Variants in FBXL7 observed in about 807,000 individuals in gnomAD.
FBXL7 encodes the protein F-box/LRR-repeat protein 7.
In FBXL7, 12 loss-of-function variants were observed where a neutral mutation model predicts 38.3. The ratio of observed to expected loss-of-function variants is 0.31; its 90% CI spans 0.20 to 0.51. The LOEUF (loss-of-function observed/expected upper bound fraction) is 0.51, where lower values mean the gene tolerates loss of function less well. FBXL7 is among the 20% of genes least tolerant of loss of function. The pLI, the probability that FBXL7 is intolerant of heterozygous loss-of-function variation, is 0.98. For synonymous variants in FBXL7, 297 were observed against 300.9 expected (o/e 0.99, Z 0.13); for missense variants, 567 against 676.4 (o/e 0.84, Z 1.79).
chr5:15,768,698 G>C (rs182898744), intron 2 of FBXL7, among the ~76,000 whole-genome samples: 1 of 152,178 alleles, frequency 6.6e-6, no homozygotes, highest in African/African-American at 2.4e-5. Flanking sequence ...TACACACAGA[G>C]CGTGGTCCAC....
chr5:15,501,675 A>G (rs1295849937), intron 1 of FBXL7: 3 of 985,472 alleles, frequency 3.0e-6, no homozygotes, highest in East Asian at 1.1e-4. Context: ...TGTGGCCTGG[A>G]GGAAACTCTT....
At chr5:15,546,528 T>C (rs1045860963) in intron 1 of FBXL7, among the ~76,000 whole-genome samples, 6 of 151,900 alleles carry the variant, frequency 3.9e-5, no homozygotes, top group Non-Finnish European at 8.8e-5. Flanking sequence ...GATGGCGCCA[T>C]TGCACTCCAG....
At chr5:15,825,164 C>A (rs1738277626) in intron 2 of FBXL7, among the ~76,000 whole-genome samples, 1 of 152,002 alleles carries the variant, frequency 6.6e-6, no homozygotes, top group Non-Finnish European at 1.5e-5. Flanking sequence ...ATGACGGATG[C>A]CTTAAAAGTC....
chr5:15,763,456 C>T (rs1227859258), intron 2 of FBXL7, among the ~76,000 whole-genome samples: 4 of 152,130 alleles, frequency 2.6e-5, no homozygotes, highest in Non-Finnish European at 4.4e-5. Context: ...GACCAAAGTA[C>T]GTTGGCATCT....
rs566791157 is a variant in FBXL7, at chr5:15,713,821, T to A, written c.127+97749T>A. Among the ~76,000 whole-genome samples the A allele has an allele frequency of 1.6e-4, 24 of 152,194 alleles. 1 individual carries two copies. The highest frequency in any genetic ancestry group is 2.9e-4 in the Non-Finnish European group (20 of 68,040). On this transcript the variant is annotated intron_variant, in intron 2 of 3. Transcript: ENST00000504595. ...GAGGGTAGGGTTGGAGAAAGAAGAA[T>A]TAGGAAATGTGGAGAAAGTTTGGTG...
intron 2 of FBXL7, among the ~76,000 whole-genome samples, chr5:15,866,556 A>G (rs1434335417): frequency 6.6e-6 from 1 of 152,008 alleles, no homozygotes; most frequent in African/African-American, 2.4e-5. Context: ...TTTCTTCTAA[A>G]AAAAAATGGG....
chr5:15,617,926 A>G lies in FBXL7; in HGVS notation c.127+1854A>G, dbSNP rs575683976. ...AATGGCTATCCAAATAGAAAGTTAA[A>G]AGCAGGTTAAATAATCTGTTTTTTT... On this transcript the variant is annotated intron_variant, in intron 2 of 3. Transcript: ENST00000504595. Among the ~76,000 whole-genome samples the G allele has an allele frequency of 7.2e-5, 11 of 152,342 alleles. 1 individual carries two copies. In the South Asian group the frequency reaches 2.3e-3, roughly 32 times the overall value.
At chr5:15,733,318 C>T (rs1038187594) in intron 2 of FBXL7, among the ~76,000 whole-genome samples, 1 of 152,158 alleles carries the variant, frequency 6.6e-6, no homozygotes, top group Admixed American at 6.5e-5. Context: ...GTCTTGAACT[C>T]CTGACCTCAT....
At chr5:15,646,703 G>A (rs186490025) in intron 2 of FBXL7, among the ~76,000 whole-genome samples, 1 of 152,078 alleles carries the variant, frequency 6.6e-6, no homozygotes, top group Non-Finnish European at 1.5e-5. Context: ...TAATGTTAAC[G>A]GTGTGTTACC....
At chr5:15,525,655 C>T (rs1487826186) in intron 1 of FBXL7, among the ~76,000 whole-genome samples, 1 of 152,094 alleles carries the variant, frequency 6.6e-6, no homozygotes, top group African/African-American at 2.4e-5. Context: ...TCCATACATA[C>T]ATATACACAC....
intron 1 of FBXL7, among the ~76,000 whole-genome samples, chr5:15,521,691 A>G (rs1026537833): frequency 2.6e-5 from 4 of 152,240 alleles, no homozygotes; most frequent in Non-Finnish European, 5.9e-5. Flanking sequence ...TGAAGTGTTT[A>G]GATCCAAGAC....
At position 15,661,242 on chromosome 5, in the gene FBXL7, G is replaced by T. The variant is rs866608301; in HGVS notation, c.127+45170G>T. On this transcript the variant is annotated intron_variant, in intron 2 of 3. Transcript: ENST00000504595. ...TATAGAAACACAGTTGAATTTTATG[G>T]GTTGACTTGGATCCTGTGTCCATGG... Among the ~76,000 whole-genome samples, 44 of 152,048 alleles carry T rather than the reference G, an allele frequency of 2.9e-4. 1 individual carries two copies. Among genetic ancestry groups the T allele is most frequent in the Non-Finnish European group, 1.2e-4 (8 of 68,006 alleles).
chr5:15,595,855 A>G (rs938421029), intron 1 of FBXL7, among the ~76,000 whole-genome samples: 1 of 152,194 alleles, frequency 6.6e-6, no homozygotes, highest in East Asian at 1.9e-4. Flanking sequence ...GCTTTTTCTT[A>G]CAAGCTCTGG....
At chr5:15,605,888 G>C (rs754466809) in intron 1 of FBXL7, among the ~76,000 whole-genome samples, 2 of 152,164 alleles carry the variant, frequency 1.3e-5, no homozygotes, top group Non-Finnish European at 2.9e-5. Flanking sequence ...CATAAACCCA[G>C]TAGAATGACA....
Position 15,717,093 on chromosome 5 carries a change from C to T in FBXL7, c.127+101021C>T, listed in dbSNP as rs141113194. Among the ~76,000 whole-genome samples, 32 of 152,250 alleles carry T rather than the reference C, an allele frequency of 2.1e-4. 1 individual carries two copies. In the East Asian group the frequency reaches 5.2e-3, roughly 25 times the overall value. ...TAAACCATTCCATATGATTAAAGAT[C>T]TTATTATCTTCAAAGACTTACAGAT... On this transcript the variant is annotated intron_variant, in intron 2 of 3. Transcript: ENST00000504595.
intron 2 of FBXL7, among the ~76,000 whole-genome samples, chr5:15,670,800 CAAAA>C (rs879933414): frequency 6.8e-5 from 10 of 147,980 alleles, no homozygotes; most frequent in Non-Finnish European, 1.5e-4. Context: ...GACTCCCACT[CAAAA>C]AAAATAAAAA....
chr5:15,742,515 A>G (rs976095299), intron 2 of FBXL7, among the ~76,000 whole-genome samples: 5 of 152,212 alleles, frequency 3.3e-5, no homozygotes, highest in African/African-American at 7.2e-5. Flanking sequence ...GTAAACCTGT[A>G]AAAGCAATGA....
intron 1 of FBXL7, among the ~76,000 whole-genome samples, chr5:15,549,217 ACATAG>A (rs1737996961): frequency 6.6e-6 from 1 of 152,236 alleles, no homozygotes; most frequent in Non-Finnish European, 1.5e-5. Flanking sequence ...CATATTCTAC[ACATAG>A]CATAGAATAA....
chr5:15,750,609 T>C (rs568754462), intron 2 of FBXL7, among the ~76,000 whole-genome samples: 5 of 152,376 alleles, frequency 3.3e-5, no homozygotes, highest in South Asian at 2.1e-4. Context: ...CTTTTTGTTT[T>C]ATTTTGCTTT....
Sources: gnomAD v4.1 joint callset for allele counts (sites outside exome capture counted in the v4.1 genomes callset) on GRCh38, gnomAD v4.1.1 for gene constraint, MANE v1.5 for transcripts, NCBI Gene and HGNC (gene_info 2026-07-23, HGNC 2026-07-21) for gene names.